The following SLC4A4 variants were observed in gnomAD, a reference collection of about 807,000 sequenced individuals.
SLC4A4 encodes the protein solute carrier family 4 member 4.
Under a neutral mutation model 111.5 loss-of-function variants are expected in SLC4A4, and 27 were observed. That is an observed-to-expected ratio of 0.24 (90% confidence interval 0.18 to 0.33). The LOEUF (loss-of-function observed/expected upper bound fraction) is 0.33, where lower values mean the gene tolerates loss of function less well. SLC4A4 is among the 10% of genes least tolerant of loss of function. The pLI, the probability that SLC4A4 is intolerant of heterozygous loss-of-function variation, is 1.00. For missense variants in SLC4A4, 909 were observed against 1,315.5 expected, an observed-to-expected ratio of 0.69 and a Z score of 4.78; for synonymous variants, 443 against 463.4, an observed-to-expected ratio of 0.96 and a Z score of 0.57.
chr4:71,435,602 T>G (rs1724059444), intron 7 of SLC4A4, among the ~76,000 whole-genome samples: 1 of 152,176 alleles, frequency 6.6e-6, no homozygotes, highest in South Asian at 2.1e-4. Flanking sequence ...CAAAATAAAC[T>G]GTCATCAGAG....
intron 15 of SLC4A4, 124 bp downstream of exon 15, chr4:71,487,142 A>G (rs1729482753): frequency 1.7e-6 from 1 of 597,952 alleles, no homozygotes; most frequent in Non-Finnish European, 3.0e-6. Flanking sequence ...ATACGTAACA[A>G]TTATTGACAG....
intron 6 of SLC4A4, among the ~76,000 whole-genome samples, chr4:71,357,827 A>G (rs1730422292): frequency 6.6e-6 from 1 of 152,150 alleles, no homozygotes; most frequent in Non-Finnish European, 1.5e-5. Flanking sequence ...GATTTACCAG[A>G]GTTTCCTGTA....
chr4:71,075,274 C>T (rs1741779410), intron 1 of SLC4A4, among the ~76,000 whole-genome samples: 1 of 152,140 alleles, frequency 6.6e-6, no homozygotes, highest in Admixed American at 6.6e-5. Flanking sequence ...GGACTAGTCT[C>T]TTCCTTCCTT....
At chr4:71,347,303 G>T (rs1238630851) in intron 4 of SLC4A4, among the ~76,000 whole-genome samples, 1 of 152,014 alleles carries the variant, frequency 6.6e-6, no homozygotes, top group Non-Finnish European at 1.5e-5. Context: ...ATATTATTTG[G>T]ACAGTTGAGG....
At chr4:71,305,051 A>G (rs917008645) in intron 3 of SLC4A4, among the ~76,000 whole-genome samples, 3 of 152,182 alleles carry the variant, frequency 2.0e-5, no homozygotes, top group African/African-American at 7.2e-5. Flanking sequence ...TTGAATACCT[A>G]CTATGTGACT....
At chr4:71,360,512 G>C (rs1024394770) in intron 6 of SLC4A4, among the ~76,000 whole-genome samples, 2 of 152,092 alleles carry the variant, frequency 1.3e-5, no homozygotes, top group South Asian at 2.1e-4. Flanking sequence ...TTTAGGAAAA[G>C]AGTCAGCCAC....
chr4:71,269,826 T>C (rs1722575505), intron 3 of SLC4A4, among the ~76,000 whole-genome samples: 1 of 152,228 alleles, frequency 6.6e-6, no homozygotes, highest in African/African-American at 2.4e-5. Flanking sequence ...TCGTAGTTTG[T>C]GTTTAGATCC....
rs149346719 is a variant in SLC4A4 at position 71,439,890 on chromosome 4, A to G, written c.808-726A>G. On this transcript the variant is annotated intron_variant, in intron 7 of 25. Transcript: ENST00000264485. ...TTATTGTAGCCTATTGGGTCCTACA[A>G]TCTGGTTCACCCCTTACCTATGCAA... Among the ~76,000 whole-genome samples the G allele has an allele frequency of 2.0e-5, 3 of 151,704 alleles. No homozygotes were observed. The East Asian group carries it at 5.9e-4, about 30-fold the overall frequency.
At chr4:71,391,210 A>G (rs1325403830) in intron 6 of SLC4A4, among the ~76,000 whole-genome samples, 1 of 152,058 alleles carries the variant, frequency 6.6e-6, no homozygotes, top group Admixed American at 6.6e-5. Flanking sequence ...TGTCTATTAC[A>G]TGTAAGTTAT....
chr4:71,350,144 T>A (rs1233889327), intron 5 of SLC4A4, 72 bp downstream of exon 5: 11 of 1,395,982 alleles, frequency 7.9e-6, no homozygotes, highest in South Asian at 5.8e-5. Flanking sequence ...TCAAGGCAGA[T>A]GACTAGTACT....
intron 6 of SLC4A4, among the ~76,000 whole-genome samples, chr4:71,358,354 G>A (rs1730472821): frequency 6.6e-6 from 1 of 151,832 alleles, no homozygotes; most frequent in East Asian, 1.9e-4. Flanking sequence ...AGTAGATAAG[G>A]GAGATTCTAA....
chr4:71,200,118 C>G (rs1746182684), intron 1 of SLC4A4, among the ~76,000 whole-genome samples: 1 of 152,146 alleles, frequency 6.6e-6, no homozygotes. Flanking sequence ...CTGACAGAAC[C>G]CCTATGGCTT....
upstream of SLC4A4, among the ~76,000 whole-genome samples, chr4:71,183,089 T>C (rs1196446328): frequency 6.6e-6 from 1 of 152,242 alleles, no homozygotes; most frequent in Admixed American, 6.5e-5. Flanking sequence ...AGGAAATCAT[T>C]CTGGTATCCT....
intron 7 of SLC4A4, chr4:71,438,018 C>A (rs534842347): frequency 6.5e-6 from 1 of 154,604 alleles, no homozygotes; most frequent in East Asian, 1.9e-4. Flanking sequence ...AAGGCCTCCT[C>A]GCCCTTTGCT....
intron 3 of SLC4A4, among the ~76,000 whole-genome samples, chr4:71,267,993 C>T (rs1465285459): frequency 6.6e-6 from 1 of 151,174 alleles, no homozygotes; most frequent in African/African-American, 2.4e-5. Context: ...ATCTGCAGAA[C>T]CACTCCCAAC....
At position 71,085,852 on chromosome 4, in the gene SLC4A4, T is replaced by G. The variant is rs1477900804; in HGVS notation, c.-64-6878T>G. On this transcript the variant is annotated intron_variant, in intron 1 of 26. Coordinates refer to the SLC4A4 transcript ENST00000649996. ...TCAGGTAGCGTGATGCCTCCAGCTT[T>G]GTTCTTTTAGCTTAGGATTGACTTG... Among the ~76,000 whole-genome samples the G allele has an allele frequency of 2.6e-5, 4 of 152,180 alleles. No individual in the cohort carries two copies. In the South Asian group the frequency reaches 8.3e-4, roughly 32 times the overall value.
intron 2 of SLC4A4, among the ~76,000 whole-genome samples, chr4:71,120,236 AG>A (rs1160434267): frequency 5.3e-5 from 8 of 152,284 alleles, no homozygotes; most frequent in African/African-American, 9.6e-5. Context: ...CCTCTAGAGA[AG>A]TTTTGTATTG....
At chr4:71,349,855 A>G (rs1729658295) in intron 4 of SLC4A4, 57 bp from the exon 5 acceptor site, 1 of 1,572,134 alleles carries the variant, frequency 6.4e-7, no homozygotes, top group Non-Finnish European at 8.8e-7. Flanking sequence ...TGAGACTGCT[A>G]TTTCTAGAGG....
chr4:71,555,367 G>A (rs1736381601), intron 21 of SLC4A4, among the ~76,000 whole-genome samples, 159 bp downstream of exon 21: 1 of 151,716 alleles, frequency 6.6e-6, no homozygotes, highest in South Asian at 2.1e-4. Flanking sequence ...TTTCATTTCT[G>A]GTTTAATCAA....
Sources: allele counts gnomAD v4.1 joint callset (sites outside exome capture counted in the v4.1 genomes callset), GRCh38; gene constraint gnomAD v4.1.1; transcripts MANE v1.5; gene names NCBI Gene and HGNC (gene_info 2026-07-23, HGNC 2026-07-21).